Variants in PIP4K2A observed in about 807,000 individuals in gnomAD.
PIP4K2A encodes the protein phosphatidylinositol 5-phosphate 4-kinase type-2 alpha.
In PIP4K2A, 14 loss-of-function variants were observed where a neutral mutation model predicts 42.9. The ratio of observed to expected loss-of-function variants is 0.33; its 90% CI spans 0.22 to 0.51. The LOEUF is 0.51. Ranked by LOEUF, PIP4K2A falls within the 20% of genes least tolerant of loss-of-function variation. PIP4K2A has a pLI of 0.97. For missense variants in PIP4K2A, 434 were observed against 519.8 expected (o/e 0.83, Z 1.61); for synonymous variants, 192 against 192.2 (o/e 1.00, Z 0.01).
At chr10:22,684,610 A>AACCTGACAC (rs1366476595) in intron 1 of PIP4K2A, among the ~76,000 whole-genome samples, 1 of 152,214 alleles carries the variant, frequency 6.6e-6, no homozygotes, top group Non-Finnish European at 1.5e-5. Context: ...TCTATCAGAA[A>AACCTGACAC]ACCTGACACA....
At chr10:22,701,415 G>A (rs1833713432) in intron 1 of PIP4K2A, among the ~76,000 whole-genome samples, 1 of 152,140 alleles carries the variant, frequency 6.6e-6, no homozygotes, top group Admixed American at 6.5e-5. Flanking sequence ...AGACAACACA[G>A]CTTCTACCAC....
intron 1 of PIP4K2A, among the ~76,000 whole-genome samples, chr10:22,614,161 T>C (rs1195944157): frequency 1.3e-5 from 2 of 152,196 alleles, no homozygotes; most frequent in Non-Finnish European, 2.9e-5. Context: ...CACAAACTTT[T>C]AGCTATTCCC....
At chr10:22,561,479 T>C (rs1293576732) in intron 6 of PIP4K2A, among the ~76,000 whole-genome samples, 1 of 151,884 alleles carries the variant, frequency 6.6e-6, no homozygotes, top group Non-Finnish European at 1.5e-5. Flanking sequence ...AAACTAGAAG[T>C]TATAATGACT....
At chr10:22,646,936 AACAAAACAAAACAAAACAAAAC>A (rs1410205762) in intron 1 of PIP4K2A, among the ~76,000 whole-genome samples, 1 of 82,962 alleles carries the variant, frequency 1.2e-5, no homozygotes, top group Non-Finnish European at 3.0e-5. Context: ...CAAAACAAAA[AACAAAACAAAACAAAACAAAAC>A]AAAAAAAAAC....
intron 1 of PIP4K2A, among the ~76,000 whole-genome samples, chr10:22,668,409 T>G (rs987218686): frequency 6.6e-6 from 1 of 152,186 alleles, no homozygotes; most frequent in African/African-American, 2.4e-5. Flanking sequence ...CCTGGCTAAG[T>G]AGCACAGTGT....
chr10:22,588,994 G>T (rs11013060), intron 4 of PIP4K2A, among the ~76,000 whole-genome samples: 5,979 of 152,262 alleles, frequency 0.039, 197 homozygotes, highest in Non-Finnish European at 0.06. Context: ...TAACACTGGG[G>T]ATATGTCAAA....
rs564835379 is a variant in PIP4K2A at position 22,639,290 on chromosome 10, C to T, written c.145-29573G>A. On this transcript the variant is annotated intron_variant, in intron 1 of 9. Transcript: ENST00000376573. ...ATGCACGTAACAAAACCAAAAAGTGCTCAGAGAAACACCAGCTGAGCTTAC... is the reference window on the plus strand; with the variant it reads ...ATGCACGTAACAAAACCAAAAAGTGTTCAGAGAAACACCAGCTGAGCTTAC... 1.2e-3 allele frequency among the ~76,000 whole-genome samples: 177 copies of T among 151,664 alleles called. 1 individual carries two copies. Among genetic ancestry groups the T allele is most frequent in the Non-Finnish European group, 2.2e-3 (150 of 67,950 alleles).
chr10:22,694,127 C>G (rs1040237158), intron 1 of PIP4K2A: 2 of 152,110 alleles, frequency 1.3e-5, no homozygotes, highest in African/African-American at 4.8e-5. Context: ...TAGTACCAAT[C>G]CCCTGGGGAT....
intron 1 of PIP4K2A, among the ~76,000 whole-genome samples, chr10:22,663,487 T>C (rs1235008375): frequency 1.3e-5 from 2 of 152,210 alleles, no homozygotes. Context: ...AAGTAACACA[T>C]GTTCATTGCA....
chr10:22,542,447 C>G (rs1034200468), intron 7 of PIP4K2A, among the ~76,000 whole-genome samples: 1 of 152,156 alleles, frequency 6.6e-6, no homozygotes. Flanking sequence ...TAGCTTCCAG[C>G]GGAGTCTCTG....
In PIP4K2A at chr10:22,537,233, A is replaced by G. The variant is rs760573668; in HGVS notation, c.1189T>C (p.Phe397Leu). 2 of 1,606,772 alleles carry G rather than the reference A, an allele frequency of 1.2e-6. No individual in the cohort carries two copies. The highest frequency in any genetic ancestry group is 1.7e-6 in the Non-Finnish European group (2 of 1,175,890). ...TVNPEQYSKR[F>L]LDFIGHILT is the part of the protein sequence containing the mutation. ...AAGATGTGGCCAATAAAGTCCAAAAAGCGCTTTGAATACTGTTCTGGGTTC... is the reference window on the plus strand; with the variant it reads ...AAGATGTGGCCAATAAAGTCCAAAAGGCGCTTTGAATACTGTTCTGGGTTC... The change falls in exon 10 of 10, where the codon TTT becomes CTT. Residue 397 changes from phenylalanine (F) to leucine (L), a missense_variant. Physicochemically the swap from Phe to Leu is conservative, Grantham distance 22. This residue lies in a region of PIP4K2A where 39 missense variants were observed against 75.3 expected (regional missense o/e 0.52). Coordinates refer to ENST00000376573, the MANE Select transcript of PIP4K2A (RefSeq NM_005028.5).
At chr10:22,582,114 A>G (rs1419399017) in intron 4 of PIP4K2A, among the ~76,000 whole-genome samples, 1 of 152,134 alleles carries the variant, frequency 6.6e-6, no homozygotes, top group African/African-American at 2.4e-5. Flanking sequence ...AAAAGAAAAA[A>G]AAAAAAGTCT....
intron 1 of PIP4K2A, among the ~76,000 whole-genome samples, chr10:22,626,538 TC>T (rs1278667006): frequency 6.6e-6 from 1 of 152,252 alleles, no homozygotes; most frequent in African/African-American, 2.4e-5. Context: ...TGAAAATGTT[TC>T]TGAAAATTGA....
At chr10:22,567,445 C>A in intron 6 of PIP4K2A, 1 of 381,044 alleles carries the variant, frequency 2.6e-6, no homozygotes, top group South Asian at 2.1e-5. Context: ...GCAGACTCAG[C>A]GATGCAAAGA....
intron 3 of PIP4K2A, among the ~76,000 whole-genome samples, chr10:22,607,311 G>A (rs1400083545): frequency 6.6e-6 from 1 of 152,174 alleles, no homozygotes; most frequent in Non-Finnish European, 1.5e-5. Context: ...GCCAGTGTGG[G>A]GAGGAGAGCA....
intron 1 of PIP4K2A, among the ~76,000 whole-genome samples, chr10:22,695,726 C>T (rs1319456161): frequency 6.6e-6 from 1 of 152,204 alleles, no homozygotes; most frequent in East Asian, 1.9e-4. Flanking sequence ...ATAAAACCTG[C>T]ACACATCCTC....
At chr10:22,566,917 T>C (rs1836861112) in intron 6 of PIP4K2A, among the ~76,000 whole-genome samples, 1 of 152,236 alleles carries the variant, frequency 6.6e-6, no homozygotes, top group South Asian at 2.1e-4. Context: ...TCTGTGTGTC[T>C]TGTTATTTTA....
chr10:22,582,891 TA>T (rs57477195), intron 4 of PIP4K2A, among the ~76,000 whole-genome samples: 85,404 of 118,486 alleles, frequency 0.72, 30,932 homozygotes, highest in East Asian at 0.85. Context: ...CGTCTTGAAG[TA>T]AAAAAAAAAA....
At chr10:22,699,055 A>G (rs1198211811) in intron 1 of PIP4K2A, among the ~76,000 whole-genome samples, 2 of 152,238 alleles carry the variant, frequency 1.3e-5, no homozygotes, top group Non-Finnish European at 2.9e-5. Flanking sequence ...GAGAAAGTGA[A>G]TTAGACAAAA....
Sources: allele counts gnomAD v4.1 joint callset (sites outside exome capture counted in the v4.1 genomes callset), GRCh38; gene constraint gnomAD v4.1.1; regional missense constraint gnomAD v4.1.1; transcripts MANE v1.5; gene names NCBI Gene and HGNC (gene_info 2026-07-23, HGNC 2026-07-21).